The following C1D variants were observed in gnomAD, a reference collection of about 807,000 sequenced individuals.
C1D encodes the protein nuclear nucleic acid-binding protein C1D.
A neutral mutation model predicts 17.5 loss-of-function variants in C1D; 10 were observed. The ratio of observed to expected loss-of-function variants is 0.57; its 90% CI spans 0.35 to 0.97. The LOEUF (loss-of-function observed/expected upper bound fraction) is 0.97. Ranked by LOEUF, C1D falls within the 50% of genes least tolerant of loss-of-function variation. The probability of loss-of-function intolerance (pLI) is 0.01; values close to 1 mark genes in which losing one functional copy is unlikely to be tolerated. For synonymous variants in C1D, 49 were observed against 54.0 expected (o/e 0.91, Z 0.40); for missense variants, 136 against 160.1 (o/e 0.85, Z 0.81).
chr2:68,047,766 A>G (rs916928303), intron 1 of C1D, among the ~76,000 whole-genome samples: 1 of 152,176 alleles, frequency 6.6e-6, no homozygotes, highest in Non-Finnish European at 1.5e-5. Flanking sequence ...TTACAGAACT[A>G]AAGACATGAT....
chr2:68,047,432 A>T, intron 1 of C1D, 113 bp from the exon 2 acceptor site: 1 of 690,152 alleles, frequency 1.4e-6, no homozygotes, highest in Non-Finnish European at 2.3e-6. Context: ...TAAGAGTTAA[A>T]ACCTGAAGAC....
chr2:68,058,930 A>G (rs959357657), intron 1 of C1D, among the ~76,000 whole-genome samples: 4 of 152,176 alleles, frequency 2.6e-5, no homozygotes, highest in African/African-American at 7.2e-5. Flanking sequence ...GGGAGATGTG[A>G]CCATGAAGGA....
In C1D at chr2:68,047,317, T is replaced by C. The variant is rs368582377; in HGVS notation, c.-7A>G. ...TAATTTCTTCACCTGCCATTATGGC[T>C]GACTGGAAAAAATTAAATTCTTTGA... On this transcript the variant is annotated splice_region_variant and 5_prime_UTR_variant, in exon 2 of 5. Coordinates refer to ENST00000410067, the MANE Select transcript of C1D (RefSeq NM_173177.3). 36 of 1,595,360 alleles carry C rather than the reference T, an allele frequency of 2.3e-5. No individual in the cohort carries two copies. The African/African-American group carries it at 4.8e-4, about 21-fold the overall frequency.
At chr2:68,048,334 G>T (rs950775901) in intron 1 of C1D, among the ~76,000 whole-genome samples, 2 of 152,112 alleles carry the variant, frequency 1.3e-5, no homozygotes, top group African/African-American at 4.8e-5. Context: ...AAGGAGAACA[G>T]CATGAATGTG....
Position 68,062,939 on chromosome 2 carries a change from C to T in C1D, c.-10+19G>A, listed in dbSNP as rs1671679259. 6.6e-6 allele frequency: 1 copy of T among 152,264 alleles called. No individual in the cohort carries two copies. The highest frequency in any genetic ancestry group is 2.1e-4 in the South Asian group (1 of 4,834). 9.4% of individuals were successfully genotyped at this position (152,264 alleles called of 1,614,324 possible). On this transcript the variant is annotated intron_variant, in intron 1 of 4. Coordinates refer to ENST00000410067, the MANE Select transcript of C1D (RefSeq NM_173177.3). Reference sequence around the variant, plus strand: ...AACAGGAGCAGGAGAAAAACTGAAACTACACCTTAGAAAAATACCTCACGG... The same window carrying T: ...AACAGGAGCAGGAGAAAAACTGAAATTACACCTTAGAAAAATACCTCACGG...
intron 4 of C1D, among the ~76,000 whole-genome samples, chr2:68,043,338 T>G (rs917816104): frequency 2.0e-5 from 3 of 152,146 alleles, no homozygotes; most frequent in African/African-American, 7.2e-5. Flanking sequence ...AAACATCGAA[T>G]TGAAAGTTTC....
chr2:68,053,938 GCTCT>G (rs148799453), intron 1 of C1D, among the ~76,000 whole-genome samples: 12,227 of 152,212 alleles, frequency 0.08, 583 homozygotes, highest in East Asian at 0.1. Context: ...CTCCTTCTAT[GCTCT>G]CTGTCTGGAC....
At position 68,041,453 on chromosome 2, in the gene C1D, TTC is replaced by T. The variant is rs1670956371; in HGVS notation, c.*1434_*1435del. 6.6e-6 allele frequency: 1 copy of T among 152,026 alleles called. No homozygotes were observed. The highest frequency in any genetic ancestry group is 2.1e-4 in the South Asian group (1 of 4,836). The allele number at this position is 152,026 out of a possible 1,614,324, so 9.4% of individuals were successfully genotyped here. ...ACACTTGATCTTAACAGTAACACAT[TTC>T]TCTCATGAAGAGGTTATTTTTAAAA... On this transcript the variant is annotated 3_prime_UTR_variant, in exon 5 of 5. Coordinates refer to ENST00000410067, the MANE Select transcript of C1D (RefSeq NM_173177.3).
chr2:68,046,224 G>A, intron 3 of C1D, 120 bp downstream of exon 3: 1 of 840,810 alleles, frequency 1.2e-6, no homozygotes, highest in Non-Finnish European at 1.9e-6. Context: ...TTAAAAATAA[G>A]TATCTATTAA....
intron 1 of C1D, among the ~76,000 whole-genome samples, chr2:68,052,442 T>G (rs1294460109): frequency 1.3e-5 from 2 of 152,180 alleles, no homozygotes. Context: ...ACTGTATGTA[T>G]TTTTAAAAAA....
chr2:68,044,857 G>A (rs1333110707), intron 4 of C1D, among the ~76,000 whole-genome samples: 1 of 152,140 alleles, frequency 6.6e-6, no homozygotes, highest in Non-Finnish European at 1.5e-5. Flanking sequence ...CACAAAGACA[G>A]TATCAAGTAT....
chr2:68,046,514 T>C (rs1026055116), intron 2 of C1D, 104 bp from the exon 3 acceptor site: 1 of 726,766 alleles, frequency 1.4e-6, no homozygotes. Context: ...CCAAGTACAA[T>C]GTATCAAAGA....
intron 1 of C1D, among the ~76,000 whole-genome samples, chr2:68,052,066 T>C (rs941327321): frequency 2.0e-5 from 3 of 152,066 alleles, no homozygotes; most frequent in Non-Finnish European, 4.4e-5. Context: ...TTACACCATA[T>C]TCATCCTTGA....
intron 1 of C1D, chr2:68,052,911 T>C: frequency 1.9e-6 from 2 of 1,072,694 alleles, no homozygotes; most frequent in Non-Finnish European, 1.3e-6. Flanking sequence ...AACTCTTGAA[T>C]AGCACTGATT....
intron 1 of C1D, chr2:68,052,953 T>C: frequency 7.0e-7 from 1 of 1,418,570 alleles, no homozygotes; most frequent in Non-Finnish European, 9.4e-7. Flanking sequence ...GCATTCCACA[T>C]GCACTTGTTC....
At chr2:68,055,658 A>G (rs1232326342) in intron 1 of C1D, among the ~76,000 whole-genome samples, 1 of 152,242 alleles carries the variant, frequency 6.6e-6, no homozygotes. Context: ...CAAATTATTG[A>G]TAATTCTGTC....
intron 4 of C1D, among the ~76,000 whole-genome samples, chr2:68,044,541 T>C (rs916756058): frequency 1.3e-5 from 2 of 151,688 alleles, no homozygotes; most frequent in African/African-American, 4.9e-5. Flanking sequence ...ACCCCGTCTC[T>C]ACTGAAAATA....
intron 1 of C1D, among the ~76,000 whole-genome samples, chr2:68,050,714 T>C (rs918361115): frequency 6.6e-6 from 1 of 152,198 alleles, no homozygotes; most frequent in Non-Finnish European, 1.5e-5. Flanking sequence ...AACTGAGGGT[T>C]TTAAATTGCT....
intron 4 of C1D, among the ~76,000 whole-genome samples, chr2:68,043,877 C>T (rs1038611498): frequency 6.6e-6 from 1 of 152,196 alleles, no homozygotes; most frequent in East Asian, 1.9e-4. Flanking sequence ...TCTCTAGTGA[C>T]GTCCCATTTC....
Sources: gnomAD v4.1 joint callset for allele counts (sites outside exome capture counted in the v4.1 genomes callset) on GRCh38, gnomAD v4.1.1 for gene constraint, MANE v1.5 for transcripts, NCBI Gene and HGNC (gene_info 2026-07-23, HGNC 2026-07-21) for gene names.